REDIC1: variants seen among roughly 807,000 people sequenced by gnomAD.
REDIC1 encodes the protein HEI10 Interacting Protein 1.
the REDIC1 span, among the ~76,000 whole-genome samples, chr12:39,832,258 T>C: frequency 2.6e-5 from 4 of 152,188 alleles, no homozygotes; most frequent in African/African-American, 9.6e-5. Flanking sequence ...AGATAATTTC[T>C]ACTAGTATTT....
chr12:39,658,379 C>G, the REDIC1 span, among the ~76,000 whole-genome samples: 1 of 152,172 alleles, frequency 6.6e-6, no homozygotes, highest in Non-Finnish European at 1.5e-5. Flanking sequence ...GACACCATGC[C>G]CAGCCTGGAT....
the REDIC1 span, among the ~76,000 whole-genome samples, chr12:39,663,447 C>G: frequency 6.6e-6 from 1 of 151,896 alleles, no homozygotes. Context: ...TTTTACATCC[C>G]TTTACTTTCA....
At chr12:39,812,122 A>G in the REDIC1 span, among the ~76,000 whole-genome samples, 1 of 152,116 alleles carries the variant, frequency 6.6e-6, no homozygotes, top group African/African-American at 2.4e-5. Flanking sequence ...GAAGTCCAAG[A>G]TCTAGGCACA....
At chr12:39,658,239 C>T in the REDIC1 span, among the ~76,000 whole-genome samples, 3 of 152,044 alleles carry the variant, frequency 2.0e-5, no homozygotes, top group Admixed American at 2.0e-4. Context: ...TCCCACCACG[C>T]CTGGCTAAGT....
chr12:39,781,333 C>T, the REDIC1 span, among the ~76,000 whole-genome samples: 1 of 152,096 alleles, frequency 6.6e-6, no homozygotes, highest in Non-Finnish European at 1.5e-5. Context: ...TACTGTCACA[C>T]CCAGTCTCCT....
At chr12:39,867,343 G>A in the REDIC1 span, among the ~76,000 whole-genome samples, 1 of 151,962 alleles carries the variant, frequency 6.6e-6, no homozygotes, top group African/African-American at 2.4e-5. Context: ...GGTATGCCTA[G>A]CACATATCCA....
the REDIC1 span, among the ~76,000 whole-genome samples, chr12:39,899,102 A>T: frequency 1.6e-3 from 240 of 152,132 alleles, no homozygotes; most frequent in Non-Finnish European, 2.6e-3. Context: ...CTGTGAATCC[A>T]TCTGGTCCTG....
the REDIC1 span, among the ~76,000 whole-genome samples, chr12:39,678,767 A>T: frequency 6.6e-6 from 1 of 152,172 alleles, no homozygotes; most frequent in Non-Finnish European, 1.5e-5. Context: ...AGTGAGTTTC[A>T]TACCAGGGAT....
the REDIC1 span, among the ~76,000 whole-genome samples, chr12:39,705,589 A>C: frequency 6.6e-6 from 1 of 152,152 alleles, no homozygotes; most frequent in Admixed American, 6.6e-5. Context: ...AGGATTCAAC[A>C]GTATATTTAA....
At chr12:39,725,818 A>T in the REDIC1 span, among the ~76,000 whole-genome samples, 8 of 151,952 alleles carry the variant, frequency 5.3e-5, no homozygotes, top group Non-Finnish European at 1.2e-4. Flanking sequence ...AAGAACAGCA[A>T]AACACAACCG....
the REDIC1 span, among the ~76,000 whole-genome samples, chr12:39,707,460 A>G: frequency 1.3e-5 from 2 of 151,944 alleles, no homozygotes; most frequent in Non-Finnish European, 2.9e-5. Flanking sequence ...AGGTTCCTCA[A>G]AAAACTAAAA....
chr12:39,745,467 T>A, the REDIC1 span, among the ~76,000 whole-genome samples: 1 of 152,224 alleles, frequency 6.6e-6, no homozygotes, highest in Non-Finnish European at 1.5e-5. Context: ...TTATTTTGTA[T>A]TTCATAAAAT....
chr12:39,907,508 A>G, the REDIC1 span: 2 of 152,194 alleles, frequency 1.3e-5, no homozygotes, highest in African/African-American at 2.4e-5. Flanking sequence ...TATCAAAACC[A>G]TAATGTACCT....
chr12:39,864,839 T>G, the REDIC1 span: 3 of 1,613,804 alleles, frequency 1.9e-6, no homozygotes, highest in East Asian at 6.7e-5. Context: ...CTTGGGCTGA[T>G]AGCACAAATC....
At chr12:39,697,956 A>G in the REDIC1 span, among the ~76,000 whole-genome samples, 2 of 152,204 alleles carry the variant, frequency 1.3e-5, no homozygotes, top group African/African-American at 2.4e-5. Context: ...ATCAAAAGAT[A>G]TAGAGTGGCT....
chr12:39,833,299 C>G, the REDIC1 span, among the ~76,000 whole-genome samples: 1 of 152,010 alleles, frequency 6.6e-6, no homozygotes, highest in African/African-American at 2.4e-5. Context: ...TTTGCTGATC[C>G]CTAATCTAGA....
the REDIC1 span, among the ~76,000 whole-genome samples, chr12:39,717,829 T>C: frequency 6.6e-6 from 1 of 152,082 alleles, no homozygotes; most frequent in Admixed American, 6.6e-5. Flanking sequence ...ACTGCTTCTT[T>C]TATGTCTTCT....
At chr12:39,871,393 C>A in the REDIC1 span, among the ~76,000 whole-genome samples, 1 of 151,596 alleles carries the variant, frequency 6.6e-6, no homozygotes, top group African/African-American at 2.4e-5. Context: ...AAAAAATGCT[C>A]CAAATTTAAT....
At chr12:39,734,550 T>G in the REDIC1 span, among the ~76,000 whole-genome samples, 6 of 152,172 alleles carry the variant, frequency 3.9e-5, no homozygotes, top group Admixed American at 6.5e-5. Flanking sequence ...TCAGAAAATT[T>G]TTGTAATGTA....
Sources: gnomAD v4.1 joint callset for allele counts (sites outside exome capture counted in the v4.1 genomes callset) on GRCh38, gnomAD v4.1.1 for gene constraint, MANE v1.5 for transcripts, NCBI Gene and HGNC (gene_info 2026-07-23, HGNC 2026-07-21) for gene names.